SPIRE2: variants seen among roughly 807,000 people sequenced by gnomAD.
SPIRE2 encodes protein spire homolog 2.
In SPIRE2, 76 loss-of-function variants were observed where a neutral mutation model predicts 80.7. The observed-to-expected ratio is 0.94, with a 90% CI of 0.78 to 1.14. The LOEUF (loss-of-function observed/expected upper bound fraction) is 1.14. SPIRE2 is among the 50% of genes most tolerant of loss of function. The pLI is 0.00. For missense variants in SPIRE2, 1,196 were observed against 1,015.3 expected, an observed-to-expected ratio of 1.18 and a Z score of -2.42; for synonymous variants, 535 against 432.6, an observed-to-expected ratio of 1.24 and a Z score of -2.94.
chr16:89,851,158 C>G (rs2041623581), intron 3 of SPIRE2, among the ~76,000 whole-genome samples: 1 of 152,174 alleles, frequency 6.6e-6, no homozygotes, highest in Non-Finnish European at 1.5e-5. Context: ...AAGTGGTGGG[C>G]TCAGCCTCTT....
Position 89,868,526 on chromosome 16 carries a change from T to C in SPIRE2, c.1806+310T>C, listed in dbSNP as rs1315016033. Among the ~76,000 whole-genome samples the C allele has an allele frequency of 2.0e-5, 3 of 152,312 alleles. No individual in the cohort carries two copies. The East Asian group carries it at 5.8e-4, about 29-fold the overall frequency. ...GGGGCTTCTTATTGCAGTTGAGGTG[T>C]GTGCTTATGTGCAGGTGCACAGAGG... On this transcript the variant is annotated intron_variant, in intron 13 of 14. Transcript: ENST00000378247.
At chr16:89,839,331 G>A (rs1452434945) in intron 1 of SPIRE2, among the ~76,000 whole-genome samples, 3 of 146,778 alleles carry the variant, frequency 2.0e-5, no homozygotes, top group African/African-American at 5.1e-5. Context: ...CCGAGATCGC[G>A]CCACTGCACT....
intron 12 of SPIRE2, among the ~76,000 whole-genome samples, chr16:89,866,443 A>C (rs1439938529): frequency 6.6e-6 from 1 of 151,402 alleles, no homozygotes. Flanking sequence ...CATTACAGGC[A>C]TGTGCCACCA....
intron 10 of SPIRE2, chr16:89,862,115 T>G (rs1415905211): frequency 6.6e-6 from 1 of 151,940 alleles, no homozygotes; most frequent in Admixed American, 6.6e-5. Context: ...GCCATTCTCC[T>G]GCCTCAGCCT....
At chr16:89,831,976 G>A (rs991633286) in intron 1 of SPIRE2, among the ~76,000 whole-genome samples, 6 of 139,182 alleles carry the variant, frequency 4.3e-5, no homozygotes, top group South Asian at 2.1e-4. Context: ...ACGGGGCACC[G>A]TGTCCACGTC....
At chr16:89,854,403 G>T in intron 4 of SPIRE2, 37 bp downstream of exon 4, 2 of 1,611,210 alleles carry the variant, frequency 1.2e-6, no homozygotes, top group Non-Finnish European at 1.7e-6. Flanking sequence ...CCACTGACGC[G>T]GCCCAGCCTG....
At chr16:89,840,443 G>A (rs1456459981) in intron 1 of SPIRE2, among the ~76,000 whole-genome samples, 1 of 150,802 alleles carries the variant, frequency 6.6e-6, no homozygotes, top group Non-Finnish European at 1.5e-5. Flanking sequence ...TAGAGACGGG[G>A]TTTCACCGTG....
Position 89,869,045 on chromosome 16 carries a change from A to ACATATAT in SPIRE2, c.1807-522_1807-521insCATATAT, listed in dbSNP as rs1185522189. Among the ~76,000 whole-genome samples the ACATATAT allele has an allele frequency of 9.1e-4, 34 of 37,184 alleles. 7 individuals carry two copies. The East Asian group carries it at 0.045, about 49-fold the overall frequency. 24.4% of individuals were successfully genotyped at this position (37,184 alleles called of 152,430 possible). ...GATCTGTGTCTTAAAAAAAAAAAAAAAAAAAAAAATATATATATATATATA... is the reference window on the plus strand; with the variant it reads ...GATCTGTGTCTTAAAAAAAAAAAAAACATATATAAAAAAAAATATATATATATATATA... On this transcript the variant is annotated intron_variant, in intron 13 of 14. Transcript: ENST00000378247.
At chr16:89,858,558 G>A (rs2041713971) in intron 8 of SPIRE2, 51 bp downstream of exon 8, 2 of 1,481,950 alleles carry the variant, frequency 1.3e-6, no homozygotes, top group Non-Finnish European at 1.8e-6. Context: ...GGAGGATGGG[G>A]GCCAAGGAAG....
chr16:89,838,894 T>C (rs2143786210), intron 1 of SPIRE2, among the ~76,000 whole-genome samples: 1 of 151,612 alleles, frequency 6.6e-6, no homozygotes, highest in East Asian at 2.0e-4. Flanking sequence ...CTGCCCAGTG[T>C]CCCTGTGTGC....
intron 7 of SPIRE2, 123 bp from the exon 8 acceptor site, chr16:89,858,215 G>C: frequency 4.8e-6 from 5 of 1,037,748 alleles, no homozygotes; most frequent in Non-Finnish European, 6.8e-6. Flanking sequence ...TGGCTGGCTA[G>C]CCCTCAGTTT....
chr16:89,850,204 T>A (rs2041608648), intron 2 of SPIRE2, 100 bp from the exon 3 acceptor site: 2 of 951,176 alleles, frequency 2.1e-6, no homozygotes, highest in East Asian at 5.2e-5. Flanking sequence ...ACAGCTGCTG[T>A]CTCCCTGGCC....
chr16:89,869,167 C>T (rs2041817371), intron 13 of SPIRE2, among the ~76,000 whole-genome samples: 1 of 148,182 alleles, frequency 6.7e-6, no homozygotes, highest in Admixed American at 6.9e-5. Flanking sequence ...CATCCTGCCA[C>T]TTGGCAATGG....
chr16:89,845,391 T>G (rs1434790156), intron 2 of SPIRE2, 26 bp downstream of exon 2: 1 of 1,590,570 alleles, frequency 6.3e-7, no homozygotes. Context: ...TTCCAAGTAT[T>G]ACTTGATGTG....
intron 1 of SPIRE2, among the ~76,000 whole-genome samples, chr16:89,842,451 G>A (rs1019525419): frequency 2.6e-5 from 4 of 152,046 alleles, no homozygotes; most frequent in Non-Finnish European, 5.9e-5. Context: ...GACCTCAGGT[G>A]ATCCACCCAC....
chr16:89,869,053 A>AAAAAAAC, intron 13 of SPIRE2, among the ~76,000 whole-genome samples: 1 of 24,036 alleles, frequency 4.2e-5, no homozygotes, highest in African/African-American at 1.6e-4. Flanking sequence ...AAAAAAAAAA[A>AAAAAAAC]ATATATATAT....
Position 89,863,667 on chromosome 16 carries a change from C to A in SPIRE2, c.1710+57C>A. On this transcript the variant is annotated intron_variant, in intron 11 of 14. Transcript: ENST00000378247. The surrounding 1 kb of genome is among the most constrained non-coding windows in gnomAD (Gnocchi z 4.3). ...TGCCCGCTGGGTCAGGGGCGGGTGC[C>A]GAGAGGGCCAGTTCCCAGGACTGTT... The A allele has an allele frequency of 6.2e-7, 1 of 1,613,408 alleles. No homozygotes were observed.
At position 89,858,454 on chromosome 16, in the gene SPIRE2, G is replaced by C. The variant is rs1008885464; in HGVS notation, c.1219G>C (p.Val407Leu). Residue 407 changes from valine (V) to leucine (L), a missense_variant, in exon 8 of 15, where the codon GTG (valine) becomes CTG (leucine). Coordinates refer to ENST00000378247, the MANE Select transcript of SPIRE2 (RefSeq NM_032451.2). ...GGSAQRPRPR[V>L]LLKAPTLAEM... ...CAGCGCCCAGCGCCCGCGGCCCCGC[G>C]TGCTGCTCAAGGCGCCTACCTTGGC... 6 of 1,610,716 alleles carry C rather than the reference G, an allele frequency of 3.7e-6. No homozygotes were observed. The Middle Eastern group carries it at 5.0e-4, about 133-fold the overall frequency.
intron 1 of SPIRE2, among the ~76,000 whole-genome samples, chr16:89,829,850 C>A (rs905076973): frequency 6.6e-6 from 1 of 151,428 alleles, no homozygotes; most frequent in African/African-American, 2.4e-5. Flanking sequence ...ACAGTGGCAG[C>A]GTTCAGATTC....
Sources: gnomAD v4.1 joint callset for allele counts (sites outside exome capture counted in the v4.1 genomes callset) on GRCh38, gnomAD v4.1.1 for gene constraint, Gnocchi (gnomAD v3.1) non-coding constraint, MANE v1.5 for transcripts, NCBI Gene and HGNC (gene_info 2026-07-23, HGNC 2026-07-21) for gene names.